Variants in TBC1D32 observed in about 807,000 individuals in gnomAD.
The protein encoded by TBC1D32 is protein broad-minded.
TBC1D32 carries 151 observed loss-of-function variants against 170.3 expected under a neutral mutation model. The ratio of observed to expected loss-of-function variants is 0.89; its 90% CI spans 0.78 to 1.01. The LOEUF (loss-of-function observed/expected upper bound fraction) is 1.01. Ranked by LOEUF, TBC1D32 falls within the 50% of genes least tolerant of loss-of-function variation. TBC1D32 has a pLI of 0.00. For missense variants in TBC1D32, 1,464 were observed against 1,457.1 expected, an observed-to-expected ratio of 1.00 and a Z score of -0.08; for synonymous variants, 498 against 488.0, an observed-to-expected ratio of 1.02 and a Z score of -0.27.
intron 30 of TBC1D32, among the ~76,000 whole-genome samples, chr6:121,098,225 A>G (rs1426123279): frequency 2.0e-5 from 3 of 151,358 alleles, no homozygotes; most frequent in East Asian, 1.9e-4. Context: ...ATAATAAAAC[A>G]TTAAGTCAAA....
At chr6:121,262,124 T>C (rs1269479200) in intron 15 of TBC1D32, among the ~76,000 whole-genome samples, 1 of 152,180 alleles carries the variant, frequency 6.6e-6, no homozygotes, top group Non-Finnish European at 1.5e-5. Context: ...ATTATGGGAC[T>C]ATGTAAAAAG....
chr6:121,298,888 C>G (rs1275225607), intron 10 of TBC1D32, among the ~76,000 whole-genome samples: 1 of 152,030 alleles, frequency 6.6e-6, no homozygotes, highest in Non-Finnish European at 1.5e-5. Flanking sequence ...TTGTGTTTTT[C>G]ATTTTGTCAA....
intron 24 of TBC1D32, among the ~76,000 whole-genome samples, chr6:121,132,643 C>A (rs1233856835): frequency 6.6e-6 from 1 of 151,746 alleles, no homozygotes; most frequent in Non-Finnish European, 1.5e-5. Context: ...TCTGCTGGGA[C>A]CCAAAGAGGA....
At chr6:121,315,068 T>A (rs1490824239) in intron 3 of TBC1D32, among the ~76,000 whole-genome samples, 2 of 152,214 alleles carry the variant, frequency 1.3e-5, no homozygotes, top group Non-Finnish European at 2.9e-5. Flanking sequence ...GCCACATCGC[T>A]GGTAAGCGGT....
chr6:121,170,475 G>T, intron 22 of TBC1D32: 1 of 1,607,950 alleles, frequency 6.2e-7, no homozygotes, highest in Non-Finnish European at 8.5e-7. Context: ...ACCTGATACT[G>T]AGCCTCTAAC....
At chr6:121,283,945 A>G in intron 12 of TBC1D32, 35 bp from the exon 13 acceptor site, 1 of 1,434,522 alleles carries the variant, frequency 7.0e-7, no homozygotes. Context: ...ATTAATTTCT[A>G]GCATATTCTT....
chr6:121,212,614 C>A (rs769938062), intron 21 of TBC1D32, among the ~76,000 whole-genome samples: 22 of 151,978 alleles, frequency 1.4e-4, no homozygotes, highest in Non-Finnish European at 3.1e-4. Context: ...GCCACCACAC[C>A]TGGCTAGTTT....
intron 20 of TBC1D32, among the ~76,000 whole-genome samples, chr6:121,233,713 T>C (rs758814145): frequency 5.9e-5 from 9 of 152,168 alleles, no homozygotes; most frequent in South Asian, 2.1e-4. Context: ...CATTCAACGA[T>C]AGTATTGAGA....
chr6:121,277,111 T>A (rs181755145), intron 15 of TBC1D32, among the ~76,000 whole-genome samples: 210 of 152,196 alleles, frequency 1.4e-3, no homozygotes, highest in Admixed American at 3.5e-3. Flanking sequence ...CAGAGATAAT[T>A]CACTAAGATG....
intron 12 of TBC1D32, among the ~76,000 whole-genome samples, chr6:121,289,802 T>G (rs949204310): frequency 1.3e-5 from 2 of 151,578 alleles, no homozygotes; most frequent in African/African-American, 4.8e-5. Flanking sequence ...AAAACAGAGA[T>G]ATAGACCAAT....
rs189755138 is a variant in TBC1D32, at chr6:121,292,221, T to C, written c.1232-28A>G. The stretch of plus-strand genomic sequence containing the variant: ...TAAAAGAGAAGCAAACACGAATATT[T>C]ATTTAGTATCATTATATTTTACAGT... On this transcript the variant is annotated intron_variant, in intron 11 of 31. Coordinates refer to ENST00000398212, the MANE Select transcript of TBC1D32 (RefSeq NM_152730.6). 1.3e-3 allele frequency: 1,952 copies of C among 1,560,814 alleles called. 1 individual carries two copies. The highest frequency in any genetic ancestry group is 1.6e-3 in the Non-Finnish European group (1,845 of 1,146,648).
chr6:121,299,638 A>T, intron 9 of TBC1D32, 133 bp from the exon 10 acceptor site: 1 of 857,008 alleles, frequency 1.2e-6, no homozygotes, highest in Non-Finnish European at 1.7e-6. Flanking sequence ...TCAATGACAG[A>T]CAGGTGTTTA....
intron 21 of TBC1D32, among the ~76,000 whole-genome samples, chr6:121,219,702 A>C (rs1459983714): frequency 6.6e-6 from 1 of 152,238 alleles, no homozygotes; most frequent in Non-Finnish European, 1.5e-5. Context: ...ACCTTGTTTT[A>C]TTGCATGTCA....
intron 22 of TBC1D32, among the ~76,000 whole-genome samples, chr6:121,162,599 G>A (rs890471650): frequency 6.6e-6 from 1 of 152,130 alleles, no homozygotes; most frequent in Non-Finnish European, 1.5e-5. Flanking sequence ...AACAGAAAGA[G>A]AGGAAGTCAA....
chr6:121,326,258 A>T (rs1194198221), intron 1 of TBC1D32, among the ~76,000 whole-genome samples: 2 of 152,202 alleles, frequency 1.3e-5, no homozygotes, highest in South Asian at 4.1e-4. Context: ...GAAGGAAGGG[A>T]TACAGCTAGA....
intron 15 of TBC1D32, among the ~76,000 whole-genome samples, chr6:121,271,301 T>C (rs1034547885): frequency 5.9e-5 from 9 of 152,212 alleles, no homozygotes; most frequent in Admixed American, 2.0e-4. Flanking sequence ...GGTATTCAAT[T>C]AGGAAAAGAG....
Position 121,242,207 on chromosome 6 carries a change from T to C in TBC1D32, c.2151A>G (p.Lys717=). The C allele has an allele frequency of 6.2e-7, 1 of 1,609,856 alleles. No homozygotes were observed. ...GGCAGATGGTAATTCATACCTGTAATTTTTTTGCATATCGATTGAATATAA... is the reference window on the plus strand; with the variant it reads ...GGCAGATGGTAATTCATACCTGTAACTTTTTTGCATATCGATTGAATATAA... ...VTFIFNRYAK[K]LQVSRHKKFG... The change falls in exon 18 of 32, where the codon AAA becomes AAG. Residue 717 remains lysine (K), a synonymous_variant. Coordinates refer to ENST00000398212, the MANE Select transcript of TBC1D32 (RefSeq NM_152730.6).
Position 121,192,066 on chromosome 6 carries a change from T to TTATA in TBC1D32, c.2570+13005_2570+13008dup, listed in dbSNP as rs1554263739. Among the ~76,000 whole-genome samples, 44 of 122,420 alleles carry TTATA rather than the reference T, an allele frequency of 3.6e-4. 2 individuals carry two copies. The highest frequency in any genetic ancestry group is 1.2e-3 in the African/African-American group (36 of 28,844). The allele number at this position is 122,420 out of a possible 152,430, so 80.3% of individuals were successfully genotyped here. A position where few individuals can be genotyped will look rare whatever the true frequency, so the allele number is the denominator to read the frequency against. ...AAGTTAATACTTAATAAACTACCCTTTATATATATATATATATCCTATTAG... is the reference window on the plus strand; with the variant it reads ...AAGTTAATACTTAATAAACTACCCTTTATATATATATATATATATATCCTATTAG... On this transcript the variant is annotated intron_variant, in intron 22 of 31. Transcript: ENST00000398212.
At chr6:121,136,834 T>C (rs1782144447) in intron 24 of TBC1D32, among the ~76,000 whole-genome samples, 1 of 152,154 alleles carries the variant, frequency 6.6e-6, no homozygotes, top group South Asian at 2.1e-4. Context: ...TAAACAAGTA[T>C]GTGTATGTAA....
Sources: gnomAD v4.1 joint callset for allele counts (sites outside exome capture counted in the v4.1 genomes callset) on GRCh38, gnomAD v4.1.1 for gene constraint, MANE v1.5 for transcripts, NCBI Gene and HGNC (gene_info 2026-07-23, HGNC 2026-07-21) for gene names.